Variants in AK5 observed in about 807,000 individuals in gnomAD.
AK5 encodes adenylate kinase isoenzyme 5.
A neutral mutation model predicts 69.5 loss-of-function variants in AK5; 27 were observed. That is an observed-to-expected ratio of 0.39 (90% CI 0.29 to 0.54). The LOEUF (loss-of-function observed/expected upper bound fraction) is 0.54, where lower values mean the gene tolerates loss of function less well. Ranked by LOEUF, AK5 falls within the 20% of genes least tolerant of loss-of-function variation. The probability of loss-of-function intolerance (pLI) is 0.71; values close to 1 mark genes in which losing one functional copy is unlikely to be tolerated. For missense variants in AK5, 531 were observed against 700.4 expected (o/e 0.76, Z 2.73); for synonymous variants, 260 against 244.4 (o/e 1.06, Z -0.60).
chr1:77,403,146 TG>T (rs1649354714), intron 6 of AK5, among the ~76,000 whole-genome samples: 1 of 152,224 alleles, frequency 6.6e-6, no homozygotes, highest in Non-Finnish European at 1.5e-5. Context: ...TGGGGTTGTT[TG>T]TTTTTTTCTT....
chr1:77,470,592 A>G (rs990448939), intron 8 of AK5, among the ~76,000 whole-genome samples: 6 of 151,990 alleles, frequency 3.9e-5, no homozygotes, highest in Non-Finnish European at 8.8e-5. Flanking sequence ...GACAAAATCA[A>G]CTGGAGGCAC....
At chr1:77,546,766 G>A (rs563301483) in intron 13 of AK5, among the ~76,000 whole-genome samples, 22 of 152,308 alleles carry the variant, frequency 1.4e-4, no homozygotes, top group African/African-American at 4.8e-4. Flanking sequence ...AAACCCCAGC[G>A]AAGTAGTAGG....
At chr1:77,435,321 G>A (rs1324283565) in intron 8 of AK5, among the ~76,000 whole-genome samples, 1 of 152,092 alleles carries the variant, frequency 6.6e-6, no homozygotes, top group Admixed American at 6.6e-5. Flanking sequence ...GAAGAACATA[G>A]CACTTTTAAT....
At chr1:77,537,780 T>C (rs1248959433) in intron 13 of AK5, among the ~76,000 whole-genome samples, 2 of 152,252 alleles carry the variant, frequency 1.3e-5, no homozygotes, top group Non-Finnish European at 2.9e-5. Context: ...ACACTGGGTA[T>C]AGAAGTCTGA....
At chr1:77,491,047 C>T (rs1655959286) in intron 10 of AK5, among the ~76,000 whole-genome samples, 2 of 152,050 alleles carry the variant, frequency 1.3e-5, no homozygotes, top group South Asian at 4.1e-4. Flanking sequence ...CTGGGACACA[C>T]GTGGCCTGGT....
intron 8 of AK5, among the ~76,000 whole-genome samples, chr1:77,424,432 A>AT (rs1317787068): frequency 6.6e-6 from 1 of 151,778 alleles, no homozygotes; most frequent in East Asian, 1.9e-4. Context: ...GGCTAATTTT[A>AT]TTTTTTGTGT....
intron 10 of AK5, among the ~76,000 whole-genome samples, chr1:77,493,333 C>G (rs1159000886): frequency 6.6e-6 from 1 of 151,718 alleles, no homozygotes; most frequent in South Asian, 2.1e-4. Context: ...CAGCAGCCCC[C>G]CCCAGGTTCT....
At chr1:77,391,450 T>C (rs1648441770) in intron 6 of AK5, among the ~76,000 whole-genome samples, 1 of 135,002 alleles carries the variant, frequency 7.4e-6, no homozygotes, top group Non-Finnish European at 1.5e-5. Context: ...CATATATGTG[T>C]GTGTATATAT....
Position 77,367,877 on chromosome 1 carries a change from A to ATTATATATTATATGTTATATATATTAT in AK5, c.891+27309_891+27310insTTATATATTATATGTTATATATATTAT, listed in dbSNP as rs369372295. Among the ~76,000 whole-genome samples the ATTATATATTATATGTTATATATATTAT allele has an allele frequency of 1.9e-3, 27 of 14,210 alleles. 10 individuals are homozygous for ATTATATATTATATGTTATATATATTAT. The highest frequency in any genetic ancestry group is 8.5e-3 in the East Asian group (2 of 236). 9.3% of individuals were successfully genotyped at this position (14,210 alleles called of 152,430 possible). A position where few individuals can be genotyped will look rare whatever the true frequency, so the allele number is the denominator to read the frequency against. On this transcript the variant is annotated intron_variant, in intron 6 of 13. Transcript: ENST00000354567. Reference sequence around the variant, plus strand: ...ATAATATATAATATATGTGATATATAATATAAAATATATGTGATATATATT... The same window carrying ATTATATATTATATGTTATATATATTAT: ...ATAATATATAATATATGTGATATATATTATATATTATATGTTATATATATTATATATAAAATATATGTGATATATATT...
chr1:77,386,166 T>C (rs1392141377), intron 6 of AK5, among the ~76,000 whole-genome samples: 1 of 152,226 alleles, frequency 6.6e-6, no homozygotes, highest in African/African-American at 2.4e-5. Flanking sequence ...AATATTAGTT[T>C]TCTTTGAGCC....
At chr1:77,531,844 CA>C (rs1429447135) in intron 12 of AK5, among the ~76,000 whole-genome samples, 1 of 103,252 alleles carries the variant, frequency 9.7e-6, no homozygotes, top group Non-Finnish European at 1.8e-5. Flanking sequence ...CGCAGGAGAC[CA>C]GGGGGAGGTG....
chr1:77,345,921 A>T (rs1192168182), intron 6 of AK5: 1 of 152,216 alleles, frequency 6.6e-6, no homozygotes, highest in African/African-American at 2.4e-5. Context: ...CTAATAGCCT[A>T]CTGTCAACCA....
intron 2 of AK5, among the ~76,000 whole-genome samples, chr1:77,293,169 C>G (rs1004118870): frequency 1.3e-4 from 20 of 152,046 alleles, no homozygotes; most frequent in African/African-American, 2.9e-4. Flanking sequence ...TGTTTGCACC[C>G]TCCTACTGAC....
intron 7 of AK5, among the ~76,000 whole-genome samples, chr1:77,414,153 A>G (rs1316834970): frequency 6.6e-6 from 1 of 152,208 alleles, no homozygotes; most frequent in Non-Finnish European, 1.5e-5. Context: ...GTATGCATTG[A>G]ACACATGTAC....
chr1:77,320,837 C>T (rs530516546), intron 5 of AK5, among the ~76,000 whole-genome samples: 8 of 152,084 alleles, frequency 5.3e-5, no homozygotes, highest in Non-Finnish European at 1.0e-4. Flanking sequence ...CAGAGTATCA[C>T]CAGAGACAGA....
chr1:77,434,309 G>GA (rs939545758), intron 8 of AK5, among the ~76,000 whole-genome samples: 1 of 151,900 alleles, frequency 6.6e-6, no homozygotes, highest in African/African-American at 2.4e-5. Flanking sequence ...AAATGTAACT[G>GA]AAAAAAGATC....
In AK5 at chr1:77,367,576, TATA is replaced by T. The variant is rs1646982648; in HGVS notation, c.891+27012_891+27014del. ...TTATTTTTATATATATATATATATA[TATA>T]ATATATATGTTATATATGTAATATA... On this transcript the variant is annotated intron_variant, in intron 6 of 13. Transcript: ENST00000354567. Among the ~76,000 whole-genome samples the T allele has an allele frequency of 6.2e-4, 7 of 11,220 alleles. No homozygotes were observed. In the South Asian group the frequency reaches 9.8e-3, roughly 16 times the overall value. 7.4% of individuals were successfully genotyped at this position (11,220 alleles called of 152,430 possible). A position where few individuals can be genotyped will look rare whatever the true frequency, so the allele number is the denominator to read the frequency against.
intron 11 of AK5, 108 bp downstream of exon 11, chr1:77,518,835 T>C (rs891501237): frequency 1.1e-5 from 12 of 1,103,226 alleles, no homozygotes; most frequent in Non-Finnish European, 1.6e-5. Context: ...AAAGAAACAA[T>C]AGCTGTATAT....
intron 8 of AK5, among the ~76,000 whole-genome samples, chr1:77,427,505 A>G (rs1651291026): frequency 6.6e-6 from 1 of 152,176 alleles, no homozygotes; most frequent in Non-Finnish European, 1.5e-5. Flanking sequence ...ATAATCTCCC[A>G]AAACAGAAAG....
Sources: allele counts gnomAD v4.1 joint callset (sites outside exome capture counted in the v4.1 genomes callset), GRCh38; gene constraint gnomAD v4.1.1; transcripts MANE v1.5; gene names NCBI Gene and HGNC (gene_info 2026-07-23, HGNC 2026-07-21).